NTM: variants seen among roughly 807,000 people sequenced by gnomAD.
The protein encoded by NTM is neurotrimin.
In NTM, 13 loss-of-function variants were observed where a neutral mutation model predicts 42.1. That is an observed-to-expected ratio of 0.31 (90% CI 0.20 to 0.49). The LOEUF (loss-of-function observed/expected upper bound fraction) is 0.49, where lower values mean the gene tolerates loss of function less well. Ranked by LOEUF, NTM falls within the 20% of genes least tolerant of loss-of-function variation. The probability of loss-of-function intolerance (pLI) is 0.99; values close to 1 mark genes in which losing one functional copy is unlikely to be tolerated. For missense variants in NTM, 373 were observed against 452.8 expected (o/e 0.82, Z 1.60); for synonymous variants, 187 against 179.2 (o/e 1.04, Z -0.35).
At chr11:131,853,003 A>G (rs556342338) in intron 1 of NTM, among the ~76,000 whole-genome samples, 1 of 150,874 alleles carries the variant, frequency 6.6e-6, no homozygotes, top group African/African-American at 2.4e-5. Flanking sequence ...TCCACCTACC[A>G]CCCATCCATT....
chr11:131,887,719 C>G (rs904304412), intron 1 of NTM, among the ~76,000 whole-genome samples: 17 of 152,352 alleles, frequency 1.1e-4, no homozygotes, highest in African/African-American at 4.1e-4. Flanking sequence ...GTATACACAT[C>G]TATCTTCCCC....
At chr11:132,214,352 C>T (rs981083116) in intron 4 of NTM, among the ~76,000 whole-genome samples, 2 of 152,084 alleles carry the variant, frequency 1.3e-5, no homozygotes, top group Non-Finnish European at 2.9e-5. Context: ...GGTAAGCTTC[C>T]TGTGCCTGAT....
rs200313607 is a variant in NTM at position 132,314,740 on chromosome 11, G to A, written c.934+37G>A. On this transcript the variant is annotated intron_variant, in intron 7 of 8. Coordinates refer to ENST00000683400, the MANE Select transcript of NTM (RefSeq NM_001352005.2). ...CTCTGAGCTGGGCAAGAAGAGGGGAGAGGGTGCAGAACGGGAGAGCTGGGT... is the reference window on the plus strand; with the variant it reads ...CTCTGAGCTGGGCAAGAAGAGGGGAAAGGGTGCAGAACGGGAGAGCTGGGT... 1,470 of 1,591,170 alleles carry A rather than the reference G, an allele frequency of 9.2e-4. 4 individuals are homozygous for A. The highest frequency in any genetic ancestry group is 9.9e-4 in the Non-Finnish European group (1,163 of 1,169,450).
At chr11:131,837,755 C>T (rs966954690) in intron 1 of NTM, among the ~76,000 whole-genome samples, 1 of 151,906 alleles carries the variant, frequency 6.6e-6, no homozygotes, top group Non-Finnish European at 1.5e-5. Context: ...TGCTGCCTGC[C>T]GCGATGCCAG....
At chr11:131,748,815 G>A (rs956322188) in intron 1 of NTM, among the ~76,000 whole-genome samples, 1 of 152,210 alleles carries the variant, frequency 6.6e-6, no homozygotes, top group Non-Finnish European at 1.5e-5. Context: ...CTACCCTGGA[G>A]GCTTGGCCTC....
At chr11:131,992,641 G>A (rs116442794) in intron 2 of NTM, among the ~76,000 whole-genome samples, 161 of 152,210 alleles carry the variant, frequency 1.1e-3, no homozygotes, top group African/African-American at 3.7e-3. Flanking sequence ...ATGGAACACA[G>A]AAGTAAGAGC....
intron 1 of NTM, among the ~76,000 whole-genome samples, chr11:131,860,896 T>C (rs1280608512): frequency 6.6e-6 from 1 of 152,186 alleles, no homozygotes; most frequent in Non-Finnish European, 1.5e-5. Context: ...GCCAGAGGCA[T>C]GATAATGCCA....
chr11:132,142,979 A>G (rs1366984233), intron 2 of NTM, among the ~76,000 whole-genome samples: 1 of 152,188 alleles, frequency 6.6e-6, no homozygotes, highest in Non-Finnish European at 1.5e-5. Flanking sequence ...AAAAATAATT[A>G]TTCAAGCAGT....
chr11:131,659,432 C>A (rs1253233658), intron 1 of NTM, among the ~76,000 whole-genome samples: 2 of 152,148 alleles, frequency 1.3e-5, no homozygotes, highest in Admixed American at 6.5e-5. Flanking sequence ...TTGAGCCAGA[C>A]CCTGTATGCT....
chr11:131,424,923 A>C (rs1427252633), intron 1 of NTM, among the ~76,000 whole-genome samples: 1 of 139,608 alleles, frequency 7.2e-6, no homozygotes, highest in Non-Finnish European at 1.5e-5. Context: ...TCTGTCACCC[A>C]GGTTGGAATG....
chr11:132,031,986 GTCTT>G (rs1461075156), intron 2 of NTM, among the ~76,000 whole-genome samples: 10 of 152,044 alleles, frequency 6.6e-5, no homozygotes, highest in Admixed American at 1.3e-4. Flanking sequence ...TTGAAGACTA[GTCTT>G]TCTTTATTTT....
At chr11:131,911,827 A>T (rs1033477452) in intron 2 of NTM, among the ~76,000 whole-genome samples, 179 bp downstream of exon 2, 2 of 152,156 alleles carry the variant, frequency 1.3e-5, no homozygotes, top group African/African-American at 4.8e-5. Flanking sequence ...GTCGTAGGGA[A>T]AGGCTCAGAG....
chr11:132,334,191 C>T (rs571041287), intron 8 of NTM, among the ~76,000 whole-genome samples: 9 of 152,320 alleles, frequency 5.9e-5, no homozygotes, highest in Admixed American at 1.3e-4. Flanking sequence ...CCACAAGGGC[C>T]GAGGTAGCCA....
chr11:132,259,953 T>C (rs1004561600), intron 4 of NTM, among the ~76,000 whole-genome samples: 3 of 152,102 alleles, frequency 2.0e-5, no homozygotes, highest in African/African-American at 4.8e-5. Context: ...TTCACCATGT[T>C]GATCAGGCTG....
intron 1 of NTM, among the ~76,000 whole-genome samples, chr11:131,894,809 A>C (rs1392710506): frequency 6.6e-6 from 1 of 152,190 alleles, no homozygotes. Flanking sequence ...TTTTGGTGAC[A>C]GATACTAGTA....
At chr11:131,625,163 A>T (rs2062973831) in intron 1 of NTM, among the ~76,000 whole-genome samples, 1 of 152,228 alleles carries the variant, frequency 6.6e-6, no homozygotes, top group Non-Finnish European at 1.5e-5. Context: ...ATTTAAAAAA[A>T]TACTCAAGCT....
chr11:131,591,197 C>G (rs138454079), intron 1 of NTM, among the ~76,000 whole-genome samples: 1 of 152,244 alleles, frequency 6.6e-6, no homozygotes, highest in African/African-American at 2.4e-5. Context: ...GTTCTCTGCT[C>G]GCTGCTCTCA....
At chr11:132,023,745 G>T (rs112877776) in intron 2 of NTM, among the ~76,000 whole-genome samples, 12,569 of 111,150 alleles carry the variant, frequency 0.11, 650 homozygotes, top group African/African-American at 0.16. Flanking sequence ...TTTGTTGTTG[G>T]TGGTGGTTTT....
Position 132,003,106 on chromosome 11 carries a change from A to G in NTM, c.167+91458A>G, listed in dbSNP as rs1428291883. 6.6e-6 allele frequency among the ~76,000 whole-genome samples: 1 copy of G among 152,160 alleles called. No homozygotes were observed. The highest frequency in any genetic ancestry group is 1.5e-5 in the Non-Finnish European group (1 of 68,046). On this transcript the variant is annotated intron_variant, in intron 2 of 8. Coordinates refer to ENST00000683400, the MANE Select transcript of NTM (RefSeq NM_001352005.2). The surrounding 1 kb of genome is among the most constrained non-coding windows in gnomAD (Gnocchi z 6.0). ...ACAGTTGTGTGTGTAATTGACTTTT[A>G]TAGTCAATTCTGCTTATATTTCCTC...
Sources: gnomAD v4.1 joint callset for allele counts (sites outside exome capture counted in the v4.1 genomes callset) on GRCh38, gnomAD v4.1.1 for gene constraint, Gnocchi (gnomAD v3.1) non-coding constraint, MANE v1.5 for transcripts, NCBI Gene and HGNC (gene_info 2026-07-23, HGNC 2026-07-21) for gene names.